Variants in TSHR observed in about 807,000 individuals in gnomAD.
TSHR encodes thyroid stimulating hormone receptor.
A neutral mutation model predicts 64.1 loss-of-function variants in TSHR; 51 were observed. That is an observed-to-expected ratio of 0.80 (90% CI 0.64 to 1.01). TSHR has a LOEUF of 1.01. Ranked by LOEUF, TSHR falls within the 50% of genes least tolerant of loss-of-function variation. The pLI, the probability that TSHR is intolerant of heterozygous loss-of-function variation, is 0.00. For missense variants in TSHR, 877 were observed against 942.8 expected (o/e 0.93, Z 0.91); for synonymous variants, 361 against 361.9 (o/e 1.00, Z 0.03).
At chr14:81,037,364 ATCACC>A (rs1566774705) in intron 1 of TSHR, among the ~76,000 whole-genome samples, 1 of 148,414 alleles carries the variant, frequency 6.7e-6, no homozygotes, top group African/African-American at 2.4e-5. Context: ...TACAAAAAAA[ATCACC>A]AAACCACACA....
At chr14:80,974,251 T>C (rs1279904164) in intron 1 of TSHR, among the ~76,000 whole-genome samples, 1 of 152,188 alleles carries the variant, frequency 6.6e-6, no homozygotes, top group African/African-American at 2.4e-5. Flanking sequence ...GGCATCAGGG[T>C]TGCACAGCTT....
Position 81,120,766 on chromosome 14 carries a change from T to G in TSHR, c.692+12314T>G, listed in dbSNP as rs529904487. ...ACTAAAATAAACAGAAAAAGGAACTTGGAAGGAACAGAAACAATGCAAGAA... is the reference window on the plus strand; with the variant it reads ...ACTAAAATAAACAGAAAAAGGAACTGGGAAGGAACAGAAACAATGCAAGAA... On this transcript the variant is annotated intron_variant, in intron 8 of 9. Transcript: ENST00000298171. Among the ~76,000 whole-genome samples the G allele has an allele frequency of 2.4e-4, 37 of 152,094 alleles. 1 individual carries two copies. Among genetic ancestry groups the G allele is most frequent in the Admixed American group, 7.2e-4 (11 of 15,270 alleles).
At chr14:80,984,033 C>T (rs912216510) in intron 1 of TSHR, among the ~76,000 whole-genome samples, 6 of 151,896 alleles carry the variant, frequency 4.0e-5, no homozygotes, top group African/African-American at 1.5e-4. Flanking sequence ...TACACACACA[C>T]AAAGATAACT....
Position 81,092,575 on chromosome 14 carries a change from C to T in TSHR, c.512C>T (p.Ala171Val), listed in dbSNP as rs1469273611. The change falls in exon 6 of 10, where the codon GCT (alanine) becomes GTT (valine). Residue 171 changes from alanine to valine, a missense_variant. Physicochemically the swap from Ala to Val is moderately conservative, Grantham distance 64. Coordinates refer to ENST00000298171, the MANE Select transcript of TSHR (RefSeq NM_000369.5). ...TACATGACGTCAATCCCTGTGAATG[C>T]TTTTCAGGGACTATGCAATGAAACC... ...NPYMTSIPVN[A>V]FQGLCNETLT... 6.2e-7 allele frequency: 1 copy of T among 1,614,062 alleles called. No individual in the cohort carries two copies. Among genetic ancestry groups the T allele is most frequent in the Non-Finnish European group, 8.5e-7 (1 of 1,179,982 alleles).
intron 3 of TSHR, among the ~76,000 whole-genome samples, chr14:81,072,825 G>A (rs1031150548): frequency 2.7e-4 from 37 of 136,038 alleles, no homozygotes; most frequent in Admixed American, 9.1e-4. Flanking sequence ...GTGAAACCCC[G>A]TCTCTACTAA....
At chr14:80,979,609 G>C (rs1594911658) in intron 1 of TSHR, among the ~76,000 whole-genome samples, 1 of 152,126 alleles carries the variant, frequency 6.6e-6, no homozygotes, top group Non-Finnish European at 1.5e-5. Context: ...ATGTATACAT[G>C]TATCAAAACA....
Position 80,974,695 on chromosome 14 carries a change from G to A in TSHR, c.170+18845G>A, listed in dbSNP as rs1033570681. Among the ~76,000 whole-genome samples, 3 of 152,244 alleles carry A rather than the reference G, an allele frequency of 2.0e-5. No individual in the cohort carries two copies. The South Asian group carries it at 6.2e-4, about 32-fold the overall frequency. ...TACTTGTGAAGGATTCCTTTTACTCGTAAGAAACTTGGCACTTTATAGAAA... is the reference window on the plus strand; with the variant it reads ...TACTTGTGAAGGATTCCTTTTACTCATAAGAAACTTGGCACTTTATAGAAA... On this transcript the variant is annotated intron_variant, in intron 1 of 9. Coordinates refer to ENST00000298171, the MANE Select transcript of TSHR (RefSeq NM_000369.5).
intron 3 of TSHR, among the ~76,000 whole-genome samples, chr14:81,085,071 C>T (rs1888189888): frequency 6.6e-6 from 1 of 152,200 alleles, no homozygotes; most frequent in Non-Finnish European, 1.5e-5. Context: ...AAGCGATTCT[C>T]ATGTCTTGGC....
intron 8 of TSHR, among the ~76,000 whole-genome samples, chr14:81,129,584 G>T (rs10140322): frequency 1.3e-5 from 2 of 151,920 alleles, no homozygotes; most frequent in African/African-American, 4.8e-5. Flanking sequence ...CCCTCTCCCA[G>T]TCTGTTGGAT....
In TSHR at chr14:81,059,780, CT is replaced by C. The variant is rs149086171; in HGVS notation, c.171-2366del. Among the ~76,000 whole-genome samples the C allele has an allele frequency of 4.4e-3, 662 of 152,152 alleles. 9 individuals are homozygous for C. The highest frequency in any genetic ancestry group is 0.015 in the African/African-American group (639 of 41,532). On this transcript the variant is annotated intron_variant, in intron 1 of 9. Coordinates refer to ENST00000298171, the MANE Select transcript of TSHR (RefSeq NM_000369.5). ...AAAAAAATCTGGCTGGGAAAAATAT[CT>C]TGTTTGTGGAATTAAGCAAAACATT...
intron 1 of TSHR, among the ~76,000 whole-genome samples, chr14:81,017,553 G>A (rs12881268): frequency 0.091 from 13,922 of 152,170 alleles, 863 homozygotes; most frequent in South Asian, 0.2. Flanking sequence ...TGCCCTGTGG[G>A]TCTGTTAAAA....
At position 81,091,154 on chromosome 14, in the gene TSHR, A is replaced by G. The variant is rs749651173; in HGVS notation, c.467+11A>G. The G allele has an allele frequency of 9.3e-6, 15 of 1,606,798 alleles. No homozygotes were observed. The East Asian group carries it at 2.9e-4, about 31-fold the overall frequency. On this transcript the variant is annotated intron_variant, in intron 5 of 9. Coordinates refer to ENST00000298171, the MANE Select transcript of TSHR (RefSeq NM_000369.5). ...TATATTCTTTATACTGTAAGTATGC[A>G]CACATGCCATGTTTGACAATATTTT...
intron 8 of TSHR, among the ~76,000 whole-genome samples, chr14:81,111,169 T>C (rs1319796731): frequency 2.6e-5 from 4 of 152,226 alleles, no homozygotes; most frequent in Non-Finnish European, 2.9e-5. Context: ...CAAAGTGAGT[T>C]CATTACAAGG....
At chr14:81,024,718 T>G (rs947594920) in intron 1 of TSHR, among the ~76,000 whole-genome samples, 1 of 152,176 alleles carries the variant, frequency 6.6e-6, no homozygotes, top group Non-Finnish European at 1.5e-5. Context: ...CTAGATTCAT[T>G]TATCTTGAAA....
In TSHR at chr14:80,978,389, T is replaced by C. The variant is rs933600457; in HGVS notation, c.170+22539T>C. On this transcript the variant is annotated intron_variant, in intron 1 of 9. Transcript: ENST00000298171. The stretch of plus-strand genomic sequence containing the variant: ...GTACCAACTGTATCAGTTCAGTTAT[T>C]CTGGGAAGCAGATGCTGAGACAGCG... Among the ~76,000 whole-genome samples, 9 of 152,184 alleles carry C rather than the reference T, an allele frequency of 5.9e-5. No individual in the cohort carries two copies. In the South Asian group the frequency reaches 8.3e-4, roughly 14 times the overall value.
intron 1 of TSHR, chr14:81,050,936 A>G (rs1037723867): frequency 1.3e-5 from 2 of 152,162 alleles, no homozygotes; most frequent in African/African-American, 4.8e-5. Context: ...TTTCTGGTGC[A>G]TATAAAATTA....
At chr14:81,090,995 T>C (rs748440456) in intron 4 of TSHR, 74 bp from the exon 5 acceptor site, 8 of 1,284,772 alleles carry the variant, frequency 6.2e-6, no homozygotes, top group Non-Finnish European at 8.9e-6. Context: ...AGCTATTACA[T>C]TATTCTCCTT....
At chr14:81,046,678 A>T (rs1885183451) in intron 1 of TSHR, among the ~76,000 whole-genome samples, 1 of 152,166 alleles carries the variant, frequency 6.6e-6, no homozygotes, top group East Asian at 1.9e-4. Flanking sequence ...TCCAAATTTG[A>T]TAAAAACTCT....
In TSHR at chr14:81,062,157, T is replaced by C; in HGVS notation, c.180T>C (p.Ile60=). Reference sequence around the variant, plus strand: ...ACTGTTATTTTCACAGGAAGCTTATTGAGACTCACCTGAGAACTATTCCAA... The same window carrying C: ...ACTGTTATTTTCACAGGAAGCTTATCGAGACTCACCTGAGAACTATTCCAA... ...LPPSTQTLKL[I]ETHLRTIPSH... Residue 60 remains isoleucine, a synonymous_variant, in exon 2 of 10, where the codon ATT becomes ATC. Transcript: ENST00000298171. The C allele has an allele frequency of 6.2e-7, 1 of 1,611,568 alleles. No individual in the cohort carries two copies. Among genetic ancestry groups the C allele is most frequent in the Non-Finnish European group, 8.5e-7 (1 of 1,178,534 alleles).
Sources: gnomAD v4.1 joint callset for allele counts (sites outside exome capture counted in the v4.1 genomes callset) on GRCh38, gnomAD v4.1.1 for gene constraint, MANE v1.5 for transcripts, NCBI Gene and HGNC (gene_info 2026-07-23, HGNC 2026-07-21) for gene names.